YARS1: variants seen among roughly 807,000 people sequenced by gnomAD.
YARS1 encodes tyrosyl-tRNA synthetase 1, also known as tyrosine--tRNA ligase, cytoplasmic.
In YARS1, 36 loss-of-function variants were observed where a neutral mutation model predicts 62.2. The ratio of observed to expected loss-of-function variants is 0.58; its 90% CI spans 0.44 to 0.76. The LOEUF is 0.76. YARS1 is among the 30% of genes least tolerant of loss of function. The probability of loss-of-function intolerance (pLI) is 0.00; values close to 1 mark genes in which losing one functional copy is unlikely to be tolerated. For synonymous variants in YARS1, 234 were observed against 244.9 expected (o/e 0.96, Z 0.42); for missense variants, 524 against 639.8 (o/e 0.82, Z 1.95).
In YARS1 at chr1:32,801,236, G is replaced by A. The variant is rs546458689; in HGVS notation, c.511-3393C>T. ...TGCATATATTTAACTGGTGCCAGGA[G>A]AGAGGTTTGTGTACAGTACAGGCAT... On this transcript the variant is annotated intron_variant, in intron 4 of 12. Transcript: ENST00000373477. 4.6e-5 allele frequency among the ~76,000 whole-genome samples: 7 copies of A among 152,150 alleles called. No individual in the cohort carries two copies. The South Asian group carries it at 6.2e-4, about 14-fold the overall frequency.
rs180735404 is a variant in YARS1 at position 32,801,153 on chromosome 1, G to A, written c.511-3310C>T. Among the ~76,000 whole-genome samples the A allele has an allele frequency of 9.3e-4, 142 of 152,264 alleles. 1 individual carries two copies. The highest frequency in any genetic ancestry group is 3.3e-3 in the African/African-American group (137 of 41,556). ...GAAGTAAAAGAGCTTCCCAGGAAGC[G>A]GGGAAGGAAGACGAGAGACACACAG... is the stretch of plus-strand genomic sequence containing the variant. On this transcript the variant is annotated intron_variant, in intron 4 of 12. Coordinates refer to ENST00000373477, the MANE Select transcript of YARS1 (RefSeq NM_003680.4).
Position 32,775,768 on chromosome 1 carries a change from C to G in YARS1, c.*213G>C, listed in dbSNP as rs567446820. On this transcript the variant is annotated 3_prime_UTR_variant, in exon 13 of 13. Transcript: ENST00000373477. Reference sequence around the variant, plus strand: ...CTGGACTCCCTGCTGTGGCCCAGCCCTTGTTAGGGGTTGGTCTCTCACTGC... The same window carrying G: ...CTGGACTCCCTGCTGTGGCCCAGCCGTTGTTAGGGGTTGGTCTCTCACTGC... The G allele has an allele frequency of 4.0e-5, 24 of 599,230 alleles. No homozygotes were observed. In the East Asian group the frequency reaches 6.1e-4, roughly 15 times the overall value. The allele number at this position is 599,230 out of a possible 1,614,324, so 37.1% of individuals were successfully genotyped here.
At position 32,776,164 on chromosome 1, in the gene YARS1, G is replaced by A. The variant is rs560089591; in HGVS notation, c.1477-73C>T. ...AAGAAAACCCCCCCTTTTTTGGAGG[G>A]GGGGCAGAGTTTTGCTCTTGTTGCC... On this transcript the variant is annotated intron_variant, in intron 12 of 12. Coordinates refer to ENST00000373477, the MANE Select transcript of YARS1 (RefSeq NM_003680.4). The surrounding 1 kb of genome is among the most constrained non-coding windows in gnomAD (Gnocchi z 4.0). The A allele has an allele frequency of 9.9e-6, 13 of 1,307,950 alleles. No homozygotes were observed. Among genetic ancestry groups the A allele is most frequent in the Admixed American group, 5.8e-5 (3 of 51,554 alleles). 81.0% of individuals were successfully genotyped at this position (1,307,950 alleles called of 1,614,324 possible).
At chr1:32,786,514 TCC>T in intron 7 of YARS1, 67 bp from the exon 8 acceptor site, 1 of 975,036 alleles carries the variant, frequency 1.0e-6, no homozygotes. Context: ...GCATGACTAT[TCC>T]TAGCCCACAT....
chr1:32,796,510 A>G (rs1653588570), intron 5 of YARS1, among the ~76,000 whole-genome samples: 1 of 151,888 alleles, frequency 6.6e-6, no homozygotes, highest in African/African-American at 2.4e-5. Flanking sequence ...AGCTGGGACT[A>G]CAGAGGCGTG....
intron 2 of YARS1, 32 bp downstream of exon 2, chr1:32,810,879 A>T (rs368478881): frequency 3.3e-4 from 538 of 1,613,996 alleles, no homozygotes; most frequent in Non-Finnish European, 4.2e-4. Context: ...CCCTTGGGTC[A>T]TTCCCCAAGG....
chr1:32,776,873 A>G lies in YARS1; in HGVS notation c.1477-782T>C, dbSNP rs1015082988. Among the ~76,000 whole-genome samples, 12 of 152,154 alleles carry G rather than the reference A, an allele frequency of 7.9e-5. No homozygotes were observed. Among genetic ancestry groups the G allele is most frequent in the Admixed American group, 3.9e-4 (6 of 15,296 alleles). Reference sequence around the variant, plus strand: ...TCCCAGCTACTCAGAAGGCTGAGGCAGGAGAATCACTTGAACCTGAGAGGA... The same window carrying G: ...TCCCAGCTACTCAGAAGGCTGAGGCGGGAGAATCACTTGAACCTGAGAGGA... On this transcript the variant is annotated intron_variant, in intron 12 of 12. Transcript: ENST00000373477. This position sits in a 1 kb window ranked among gnomAD's most constrained non-coding sequence, Gnocchi z 4.0.
At chr1:32,816,379 C>A (rs1364152850) in intron 1 of YARS1, among the ~76,000 whole-genome samples, 2 of 152,058 alleles carry the variant, frequency 1.3e-5, no homozygotes, top group Non-Finnish European at 2.9e-5. Context: ...AAAATGTATA[C>A]TATGTAGAAA....
At chr1:32,799,194 T>C (rs756671267) in intron 4 of YARS1, among the ~76,000 whole-genome samples, 2 of 152,122 alleles carry the variant, frequency 1.3e-5, no homozygotes, top group African/African-American at 2.4e-5. Context: ...TGTGAAGTGT[T>C]TAGGGAAATT....
At position 32,810,702 on chromosome 1, in the gene YARS1, A is replaced by T; in HGVS notation, c.269T>A (p.Leu90Gln). 1 of 1,614,206 alleles carries T rather than the reference A, an allele frequency of 6.2e-7. No individual in the cohort carries two copies. The highest frequency in any genetic ancestry group is 1.1e-5 in the South Asian group (1 of 91,082). Residue 90 changes from leucine to glutamine, a missense_variant, in exon 3 of 13, where the codon CTA becomes CAA. By Grantham distance (113) the Leu-to-Gln change is moderately radical. Coordinates refer to ENST00000373477, the MANE Select transcript of YARS1 (RefSeq NM_003680.4). Reference protein sequence around the residue: ...LDNMKAPWELLELRVSYYENV... With the variant: ...LDNMKAPWELQELRVSYYENV... ...CTCATAGTAACTGACTCGGAGTTCTAGAAGTTCCCATGGGGCTTTCATGTT... is the reference window on the plus strand; with the variant it reads ...CTCATAGTAACTGACTCGGAGTTCTTGAAGTTCCCATGGGGCTTTCATGTT...
intron 1 of YARS1, among the ~76,000 whole-genome samples, chr1:32,813,152 T>C (rs1368385188): frequency 2.0e-5 from 3 of 152,282 alleles, no homozygotes; most frequent in African/African-American, 7.2e-5. Flanking sequence ...CTTACTTGTA[T>C]TGATTTATGT....
rs560558846 is a variant in YARS1 at position 32,776,163 on chromosome 1, G to A, written c.1477-72C>T. 138 of 1,308,002 alleles carry A rather than the reference G, an allele frequency of 1.1e-4. No homozygotes were observed. The highest frequency in any genetic ancestry group is 1.4e-4 in the Non-Finnish European group (125 of 921,814). 81.0% of individuals were successfully genotyped at this position (1,308,002 alleles called of 1,614,324 possible). A position where few individuals can be genotyped will look rare whatever the true frequency, so the allele number is the denominator to read the frequency against. The stretch of plus-strand genomic sequence containing the variant: ...CAAGAAAACCCCCCCTTTTTTGGAG[G>A]GGGGGCAGAGTTTTGCTCTTGTTGC... On this transcript the variant is annotated intron_variant, in intron 12 of 12. Transcript: ENST00000373477. The surrounding 1 kb of genome is among the most constrained non-coding windows in gnomAD (Gnocchi z 4.0).
chr1:32,782,299 G>C, intron 9 of YARS1, 105 bp downstream of exon 9: 1 of 1,585,828 alleles, frequency 6.3e-7, no homozygotes. Context: ...CTGCACTTCA[G>C]ACCCCCTGGG....
rs1265483064 is a variant in YARS1 at position 32,781,137 on chromosome 1, C to G, written c.1051G>C (p.Ala351Pro). The change falls in exon 10 of 13, where the codon GCC becomes CCC. Residue 351 changes from alanine (A) to proline (P), a missense_variant. Coordinates refer to ENST00000373477, the MANE Select transcript of YARS1 (RefSeq NM_003680.4). ...YPDPSKQKPM[A>P]KGPAKNSEPE... The stretch of plus-strand genomic sequence containing the variant: ...TCTGAATTCTTGGCAGGGCCTTTGG[C>G]CATTGGCTCTGGGAATGAGAAGAAC... 1 of 1,614,034 alleles carries G rather than the reference C, an allele frequency of 6.2e-7. No homozygotes were observed. Among genetic ancestry groups the G allele is most frequent in the Admixed American group, 1.7e-5 (1 of 59,990 alleles).
At chr1:32,777,107 G>A (rs547855996) in intron 12 of YARS1, among the ~76,000 whole-genome samples, 1 of 150,536 alleles carries the variant, frequency 6.6e-6, no homozygotes, top group Non-Finnish European at 1.5e-5. Context: ...TTGGCTCACT[G>A]CAACCTCCAC....
chr1:32,805,513 T>G (rs1424630245), intron 4 of YARS1, among the ~76,000 whole-genome samples: 2 of 152,182 alleles, frequency 1.3e-5, no homozygotes, highest in Non-Finnish European at 2.9e-5. Flanking sequence ...ATTTTTCAGG[T>G]GTTCACTGGA....
chr1:32,799,247 G>A (rs1036224301), intron 4 of YARS1, among the ~76,000 whole-genome samples: 3 of 152,166 alleles, frequency 2.0e-5, no homozygotes, highest in Admixed American at 6.5e-5. Flanking sequence ...CAAGGGAGGT[G>A]GGAAGTAGTG....
chr1:32,797,989 G>A lies in YARS1; in HGVS notation c.511-146C>T, dbSNP rs1653659365. 12 of 687,130 alleles carry A rather than the reference G, an allele frequency of 1.7e-5. No individual in the cohort carries two copies. The South Asian group carries it at 1.8e-4, about 11-fold the overall frequency. The allele number at this position is 687,130 out of a possible 1,614,324, so 42.6% of individuals were successfully genotyped here. On this transcript the variant is annotated intron_variant, in intron 4 of 12. Coordinates refer to ENST00000373477, the MANE Select transcript of YARS1 (RefSeq NM_003680.4). ...AGGTTCAAGTGAGTCTCCTGCCTCAGCCTCCCGAGTAGTTGGGATTACAGA... is the reference window on the plus strand; with the variant it reads ...AGGTTCAAGTGAGTCTCCTGCCTCAACCTCCCGAGTAGTTGGGATTACAGA...
At chr1:32,795,501 G>C (rs556479940) in intron 5 of YARS1, among the ~76,000 whole-genome samples, 38 of 152,056 alleles carry the variant, frequency 2.5e-4, no homozygotes, top group African/African-American at 9.2e-4. Flanking sequence ...GTTTTAGAAA[G>C]GGCCAGTTAA....
Sources: gnomAD v4.1 joint callset for allele counts (sites outside exome capture counted in the v4.1 genomes callset) on GRCh38, gnomAD v4.1.1 for gene constraint, Gnocchi (gnomAD v3.1) non-coding constraint, MANE v1.5 for transcripts, NCBI Gene and HGNC (gene_info 2026-07-23, HGNC 2026-07-21) for gene names.